Variants in ARHGAP27 observed in about 807,000 individuals in gnomAD.
The protein encoded by ARHGAP27 is Rho GTPase activating protein 27.
In ARHGAP27, 53 loss-of-function variants were observed where a neutral mutation model predicts 102.0. The observed-to-expected ratio is 0.52, with a 90% confidence interval of 0.42 to 0.65. The LOEUF is 0.65. Among genes scored for constraint, ARHGAP27 ranks in the 30% least tolerant of loss-of-function variants. The probability of loss-of-function intolerance (pLI) is 0.00; values close to 1 mark genes in which losing one functional copy is unlikely to be tolerated. For missense variants in ARHGAP27, 1,117 were observed against 1,256.2 expected, an observed-to-expected ratio of 0.89 and a Z score of 1.68; for synonymous variants, 525 against 542.8, an observed-to-expected ratio of 0.97 and a Z score of 0.46.
At chr17:45,416,782 T>C (rs1170176771) in intron 4 of ARHGAP27, among the ~76,000 whole-genome samples, 2 of 149,788 alleles carry the variant, frequency 1.3e-5, no homozygotes, top group Non-Finnish European at 3.0e-5. Flanking sequence ...CTCCTGACCT[T>C]GTGATTCACC....
chr17:45,406,725 C>T (rs999522271), intron 4 of ARHGAP27, among the ~76,000 whole-genome samples: 1 of 152,072 alleles, frequency 6.6e-6, no homozygotes, highest in Admixed American at 6.5e-5. Flanking sequence ...GCAATCTTGG[C>T]TCACTGCAAC....
At chr17:45,400,134 G>T (rs972529152) in intron 12 of ARHGAP27, among the ~76,000 whole-genome samples, 1 of 152,170 alleles carries the variant, frequency 6.6e-6, no homozygotes, top group Admixed American at 6.5e-5. Context: ...CTGCACTCCA[G>T]CCTGGGCAAC....
intron 4 of ARHGAP27, chr17:45,429,387 C>A: frequency 1.5e-6 from 2 of 1,353,648 alleles, no homozygotes; most frequent in Non-Finnish European, 1.9e-6. Context: ...AATTGGATTA[C>A]GAAAAGCCTC....
chr17:45,406,112 GT>G (rs1175359690), intron 4 of ARHGAP27, 29 bp from the exon 5 acceptor site: 1 of 1,489,960 alleles, frequency 6.7e-7, no homozygotes, highest in Non-Finnish European at 8.9e-7. Context: ...GGAATTTTGT[GT>G]TTTCAGAAAC....
chr17:45,404,374 C>T, intron 8 of ARHGAP27, 40 bp from the exon 9 acceptor site: 1 of 1,613,702 alleles, frequency 6.2e-7, no homozygotes, highest in South Asian at 1.1e-5. Context: ...AGTCCCTCCT[C>T]CCAGGAACTC....
intron 4 of ARHGAP27, among the ~76,000 whole-genome samples, chr17:45,417,442 C>T (rs1297729271): frequency 2.7e-5 from 4 of 148,704 alleles, no homozygotes; most frequent in Admixed American, 6.8e-5. Flanking sequence ...CCAGGCTGGG[C>T]GACAGAGCAA....
At position 45,396,874 on chromosome 17, in the gene ARHGAP27, G is replaced by A. The variant is rs201380561; in HGVS notation, c.1951+42C>T. On this transcript the variant is annotated intron_variant, in intron 14 of 19. Coordinates refer to ENST00000685559, the MANE Select transcript of ARHGAP27 (RefSeq NM_001282290.2). ...CCCCAGCAACCGTCACTCCCCAGGA[G>A]AGGCCTCCTGGAGCCCCCACCCCAT... 8.6e-5 allele frequency: 139 copies of A among 1,607,300 alleles called. No individual in the cohort carries two copies. The African/African-American group carries it at 1.4e-3, about 16-fold the overall frequency.
chr17:45,419,099 T>C (rs56378631), intron 4 of ARHGAP27, among the ~76,000 whole-genome samples: 21,087 of 151,282 alleles, frequency 0.14, 1,757 homozygotes, highest in Middle Eastern at 0.23. Flanking sequence ...ACCAAACCAG[T>C]TGCCGCCACC....
chr17:45,425,535 C>A (rs2049509872), intron 4 of ARHGAP27: 8 of 983,252 alleles, frequency 8.1e-6, no homozygotes, highest in South Asian at 4.7e-5. Flanking sequence ...CTGTGGCCAC[C>A]CCCTAGTCCC....
chr17:45,400,711 T>C (rs2046338625), intron 12 of ARHGAP27, among the ~76,000 whole-genome samples: 1 of 151,916 alleles, frequency 6.6e-6, no homozygotes, highest in Non-Finnish European at 1.5e-5. Flanking sequence ...GGCCAGTAGA[T>C]TGAGACCATC....
At chr17:45,425,230 T>TGG (rs1163376642) in intron 4 of ARHGAP27, among the ~76,000 whole-genome samples, 1 of 142,298 alleles carries the variant, frequency 7.0e-6, no homozygotes, top group African/African-American at 2.7e-5. Context: ...ACCTGGGGGT[T>TGG]GGGGGTGGGG....
intron 4 of ARHGAP27, among the ~76,000 whole-genome samples, chr17:45,414,860 C>CA (rs1397880335): frequency 4.0e-3 from 1 of 248 alleles, no homozygotes; most frequent in Non-Finnish European, 0.013. Context: ...AGTTCAAGAC[C>CA]AGCTGGCCAA....
At chr17:45,415,659 C>G (rs2048378318) in intron 4 of ARHGAP27, among the ~76,000 whole-genome samples, 1 of 152,168 alleles carries the variant, frequency 6.6e-6, no homozygotes, top group South Asian at 2.1e-4. Context: ...TGACACTGAG[C>G]CCCATTGATC....
At chr17:45,407,025 T>C (rs181658887) in intron 4 of ARHGAP27, among the ~76,000 whole-genome samples, 184 of 152,254 alleles carry the variant, frequency 1.2e-3, no homozygotes, top group African/African-American at 4.2e-3. Context: ...AACATAAACC[T>C]AGCCATGCGT....
chr17:45,432,615 G>T (rs1313213534), intron 1 of ARHGAP27, 137 bp downstream of exon 1: 1 of 151,954 alleles, frequency 6.6e-6, no homozygotes, highest in Non-Finnish European at 1.5e-5. Flanking sequence ...GGGAGCAGGC[G>T]CGCGGAGCTC....
intron 4 of ARHGAP27, among the ~76,000 whole-genome samples, chr17:45,418,054 A>AT (rs989295740): frequency 3.1e-4 from 46 of 148,052 alleles, no homozygotes; most frequent in Non-Finnish European, 3.6e-4. Context: ...AAAAAAAAAA[A>AT]TTTTTTTACT....
Position 45,419,528 on chromosome 17 carries a change from A to G in ARHGAP27, c.657+10095T>C, listed in dbSNP as rs1403598589. ...ATGCTGTATGTATATATATATATAT[A>G]TATATATATATATATATATATATAT... On this transcript the variant is annotated intron_variant, in intron 4 of 19. Transcript: ENST00000685559. Among the ~76,000 whole-genome samples, 78 of 23,234 alleles carry G rather than the reference A, an allele frequency of 3.4e-3. 1 individual carries two copies. The highest frequency in any genetic ancestry group is 6.5e-3 in the Non-Finnish European group (37 of 5,714). The allele number at this position is 23,234 out of a possible 152,430, so 15.2% of individuals were successfully genotyped here.
At chr17:45,403,405 CA>C (rs2046696961) in intron 11 of ARHGAP27, among the ~76,000 whole-genome samples, 1 of 152,130 alleles carries the variant, frequency 6.6e-6, no homozygotes. Context: ...ACTAAAAACA[CA>C]AAAATTAGCC....
intron 4 of ARHGAP27, among the ~76,000 whole-genome samples, chr17:45,417,774 C>T (rs1207718165): frequency 1.3e-5 from 2 of 148,456 alleles, no homozygotes; most frequent in Non-Finnish European, 3.0e-5. Context: ...AAAATTTTGG[C>T]CGGGTATGGT....
Sources: gnomAD v4.1 joint callset for allele counts (sites outside exome capture counted in the v4.1 genomes callset) on GRCh38, gnomAD v4.1.1 for gene constraint, MANE v1.5 for transcripts, NCBI Gene and HGNC (gene_info 2026-07-23, HGNC 2026-07-21) for gene names.